Variants in RBFOX1 observed in about 807,000 individuals in gnomAD.
The protein encoded by RBFOX1 is RNA binding protein fox-1 homolog 1.
A neutral mutation model predicts 57.7 loss-of-function variants in RBFOX1; 8 were observed. That is an observed-to-expected ratio of 0.14 (90% CI 0.08 to 0.25). The LOEUF (loss-of-function observed/expected upper bound fraction) is 0.25, where lower values mean the gene tolerates loss of function less well. Among genes scored for constraint, RBFOX1 ranks in the 10% least tolerant of loss-of-function variants. The pLI is 1.00. For synonymous variants in RBFOX1, 326 were observed against 222.4 expected, an observed-to-expected ratio of 1.47 and a Z score of -4.15; for missense variants, 611 against 548.5, an observed-to-expected ratio of 1.11 and a Z score of -1.14.
chr16:5,427,583 TCAAAACAAAA>T (rs4039609), intron 1 of RBFOX1, among the ~76,000 whole-genome samples: 19,100 of 148,624 alleles, frequency 0.13, 1,447 homozygotes, highest in Admixed American at 0.18. Context: ...AGACTCTGTC[TCAAAACAAAA>T]CAAAACAAAA....
At chr16:6,711,075 G>C (rs541279946) in intron 3 of RBFOX1, among the ~76,000 whole-genome samples, 20 of 152,282 alleles carry the variant, frequency 1.3e-4, no homozygotes, top group Non-Finnish European at 2.5e-4. Context: ...CAAAACTCTG[G>C]AGTCTTTCTT....
intron 3 of RBFOX1, among the ~76,000 whole-genome samples, chr16:6,767,941 TAATAATAAGAAGAAGAAGAAGAAGAAG>T (rs1264671163): frequency 1.2e-4 from 10 of 85,158 alleles, no homozygotes; most frequent in Non-Finnish European, 2.0e-4. Flanking sequence ...ATAATAATAA[TAATAATAAGAAGAAGAAGAAGAAGAAG>T]AAGAAGAAGA....
intron 4 of RBFOX1, among the ~76,000 whole-genome samples, chr16:7,101,550 G>T (rs901584955): frequency 1.3e-5 from 2 of 152,060 alleles, no homozygotes; most frequent in African/African-American, 4.8e-5. Context: ...CAGAGAGGGG[G>T]CAGATCACAT....
intron 1 of RBFOX1, among the ~76,000 whole-genome samples, chr16:6,060,728 T>C (rs2095674686): frequency 6.6e-6 from 1 of 152,118 alleles, no homozygotes; most frequent in South Asian, 2.1e-4. Flanking sequence ...TTTCCCAGGA[T>C]TCAGGGGCAG....
intron 5 of RBFOX1, among the ~76,000 whole-genome samples, chr16:7,538,669 A>T (rs1487245905): frequency 1.3e-5 from 2 of 152,212 alleles, no homozygotes; most frequent in Non-Finnish European, 2.9e-5. Flanking sequence ...GCTGCCTAAC[A>T]AACTACCCCA....
Position 7,636,922 on chromosome 16 carries a change from C to A in RBFOX1, c.757+6239C>A, listed in dbSNP as rs58364579. Among the ~76,000 whole-genome samples the A allele has an allele frequency of 4.0e-3, 610 of 152,252 alleles. 3 individuals carry two copies. Among genetic ancestry groups the A allele is most frequent in the African/African-American group, 0.014 (566 of 41,554 alleles). On this transcript the variant is annotated intron_variant, in intron 11 of 15. Transcript: ENST00000550418. ...ATGAATCTTATGAAGGGCCCACCCT[C>A]AGGACCTCATCTAAACCTAATTACC...
At chr16:7,171,806 C>T (rs1471748204) in intron 4 of RBFOX1, among the ~76,000 whole-genome samples, 1 of 152,140 alleles carries the variant, frequency 6.6e-6, no homozygotes, top group African/African-American at 2.4e-5. Flanking sequence ...TTTGGCTTGG[C>T]CATTGTCTTT....
At chr16:6,596,530 A>T (rs2097778252) in intron 2 of RBFOX1, among the ~76,000 whole-genome samples, 1 of 144,362 alleles carries the variant, frequency 6.9e-6, no homozygotes, top group African/African-American at 2.9e-5. Flanking sequence ...TGTTCCTGGC[A>T]TTTTTAGTTT....
At chr16:7,704,097 T>A (rs970796919) in intron 14 of RBFOX1, among the ~76,000 whole-genome samples, 1 of 152,174 alleles carries the variant, frequency 6.6e-6, no homozygotes, top group Non-Finnish European at 1.5e-5. Flanking sequence ...AAGATGAGGC[T>A]CAGAGAGCAT....
In RBFOX1 at chr16:7,693,418, T is replaced by C. The variant is rs1265708385; in HGVS notation, c.996-15638T>C. On this transcript the variant is annotated intron_variant, in intron 14 of 15. Transcript: ENST00000550418. ...GCATCCATCCAAGTCTCAGTATCCT[T>C]TTTTTTTTTTTTTTTTCTTCTTCAC... 4 of 1,010,108 alleles carry C rather than the reference T, an allele frequency of 4.0e-6. No individual in the cohort carries two copies. In the Admixed American group the frequency reaches 9.9e-5, roughly 25 times the overall value. The allele number at this position is 1,010,108 out of a possible 1,614,324, so 62.6% of individuals were successfully genotyped here.
chr16:6,035,354 T>C (rs28560152), intron 1 of RBFOX1, among the ~76,000 whole-genome samples: 12,021 of 152,290 alleles, frequency 0.079, 1,537 homozygotes, highest in African/African-American at 0.27. Flanking sequence ...ATGGAGCAGA[T>C]GGGCTGCCCC....
intron 4 of RBFOX1, among the ~76,000 whole-genome samples, chr16:5,953,385 G>T (rs533998111): frequency 3.3e-5 from 5 of 152,220 alleles, no homozygotes; most frequent in Admixed American, 6.5e-5. Flanking sequence ...GGTGGTGTTT[G>T]GTTACATGAG....
chr16:7,537,959 A>G (rs1384637135), intron 5 of RBFOX1, among the ~76,000 whole-genome samples: 1 of 152,264 alleles, frequency 6.6e-6, no homozygotes, highest in Non-Finnish European at 1.5e-5. Flanking sequence ...AATTTATTTC[A>G]GCAAACATTT....
At chr16:5,439,661 G>C (rs1368193025) in intron 1 of RBFOX1, among the ~76,000 whole-genome samples, 1 of 151,938 alleles carries the variant, frequency 6.6e-6, no homozygotes, top group Non-Finnish European at 1.5e-5. Context: ...GAGAAAGACG[G>C]GCCTCACTCC....
intron 4 of RBFOX1, among the ~76,000 whole-genome samples, chr16:7,339,244 T>A (rs1486949141): frequency 1.3e-5 from 2 of 152,174 alleles, no homozygotes; most frequent in African/African-American, 4.8e-5. Flanking sequence ...ATTCATCATG[T>A]GTTTATTCAG....
chr16:7,117,246 A>G (rs1311564999), intron 4 of RBFOX1, among the ~76,000 whole-genome samples: 1 of 152,156 alleles, frequency 6.6e-6, no homozygotes, highest in Non-Finnish European at 1.5e-5. Context: ...AAACTCGGGA[A>G]AAACTGATCG....
intron 3 of RBFOX1, among the ~76,000 whole-genome samples, chr16:5,809,404 A>T (rs959079752): frequency 1.3e-4 from 19 of 149,666 alleles, no homozygotes; most frequent in African/African-American, 4.6e-4. Flanking sequence ...CAATGGGAGA[A>T]AATTTTCGCA....
At chr16:6,550,508 T>C (rs2096970544) in intron 2 of RBFOX1, among the ~76,000 whole-genome samples, 1 of 151,986 alleles carries the variant, frequency 6.6e-6, no homozygotes. Context: ...GTGTTTTCAG[T>C]AGAGACGGGG....
At chr16:6,617,357 G>A (rs926423092) in intron 2 of RBFOX1, among the ~76,000 whole-genome samples, 1 of 152,068 alleles carries the variant, frequency 6.6e-6, no homozygotes, top group Non-Finnish European at 1.5e-5. Context: ...CTATACAGCA[G>A]AGACATTGTG....
Sources: allele counts gnomAD v4.1 joint callset (sites outside exome capture counted in the v4.1 genomes callset), GRCh38; gene constraint gnomAD v4.1.1; transcripts MANE v1.5; gene names NCBI Gene and HGNC (gene_info 2026-07-23, HGNC 2026-07-21).